The following SEMA5B variants were observed in gnomAD, a reference collection of about 807,000 sequenced individuals.
SEMA5B encodes the protein semaphorin-5B.
Under a neutral mutation model 135.0 loss-of-function variants are expected in SEMA5B, and 66 were observed. The ratio of observed to expected loss-of-function variants is 0.49; its 90% CI spans 0.40 to 0.60. The LOEUF (loss-of-function observed/expected upper bound fraction) is 0.60, where lower values mean the gene tolerates loss of function less well. Ranked by LOEUF, SEMA5B falls within the 20% of genes least tolerant of loss-of-function variation. The pLI is 0.00. For synonymous variants in SEMA5B, 690 were observed against 639.5 expected, an observed-to-expected ratio of 1.08 and a Z score of -1.19; for missense variants, 1,501 against 1,566.3, an observed-to-expected ratio of 0.96 and a Z score of 0.70.
intron 2 of SEMA5B, among the ~76,000 whole-genome samples, chr3:122,956,850 AC>A (rs986624919): frequency 3.9e-5 from 6 of 152,104 alleles, no homozygotes; most frequent in Non-Finnish European, 7.3e-5. Context: ...AAGGGAAAAA[AC>A]GTCCTGGGAA....
intron 1 of SEMA5B, among the ~76,000 whole-genome samples, chr3:122,991,877 C>T (rs1300096164): frequency 6.6e-6 from 1 of 152,096 alleles, no homozygotes; most frequent in East Asian, 1.9e-4. Flanking sequence ...CATACTATCA[C>T]AAAGGAGAGA....
At chr3:122,973,821 G>C (rs1442948102) in intron 1 of SEMA5B, among the ~76,000 whole-genome samples, 2 of 152,136 alleles carry the variant, frequency 1.3e-5, no homozygotes, top group Non-Finnish European at 2.9e-5. Context: ...GGGAAGGGCA[G>C]AGAGGGAGGA....
In SEMA5B at chr3:122,921,953, C is replaced by A; in HGVS notation, c.1650G>T (p.Arg550=). The change falls in exon 12 of 23, where the codon CGG becomes CGT. Residue 550 remains arginine (R), a synonymous_variant. Transcript: ENST00000357599. ...AGGCGGCGCACCTCTCCAGTGGGAC[C>A]CGCAGGACGCCGTCTCTCAGCCCCA... ...LFVGLRDGVL[R]VPLERCAAYR... is the part of the protein sequence containing the mutation. The A allele has an allele frequency of 1.3e-6, 2 of 1,535,768 alleles. No individual in the cohort carries two copies. The highest frequency in any genetic ancestry group is 1.7e-6 in the Non-Finnish European group (2 of 1,145,646).
intron 7 of SEMA5B, 78 bp from the exon 8 acceptor site, chr3:122,928,081 C>T: frequency 9.6e-7 from 1 of 1,044,710 alleles, no homozygotes; most frequent in Non-Finnish European, 1.3e-6. Context: ...AGTTTTGTTT[C>T]CTCCTGTGCC....
Position 122,910,314 on chromosome 3 carries a change from G to A in SEMA5B, c.3298-13C>T. On this transcript the variant is annotated splice_polypyrimidine_tract_variant and intron_variant, in intron 22 of 22. Transcript: ENST00000357599. Reference sequence around the variant, plus strand: ...TCTTGTTCAGGGTCTGTGGGTGGAAGAAGGAACCAGAGAAAGGGGTGAGGG... The same window carrying A: ...TCTTGTTCAGGGTCTGTGGGTGGAAAAAGGAACCAGAGAAAGGGGTGAGGG... 2 of 1,613,576 alleles carry A rather than the reference G, an allele frequency of 1.2e-6. No individual in the cohort carries two copies. Among genetic ancestry groups the A allele is most frequent in the Non-Finnish European group, 1.7e-6 (2 of 1,179,678 alleles).
chr3:122,913,931 G>C lies in SEMA5B; in HGVS notation c.2059C>G (p.Arg687Gly). The change falls in exon 15 of 23, where the codon CGC becomes GGC. Residue 687 changes from arginine to glycine, a missense_variant. Physicochemically the swap from Arg to Gly is moderately radical, Grantham distance 125 (BLOSUM62 -2). Coordinates refer to ENST00000357599, the MANE Select transcript of SEMA5B (RefSeq NM_001031702.4). ...STSCGIGFQV[R>G]QRSCSNPAPR... ...GCAGGGTTGCTGCAACTTCGCTGGC[G>C]GACCTGGAAGCCGATGCCACAGGAC... 2.5e-6 allele frequency: 4 copies of C among 1,612,532 alleles called. No homozygotes were observed. The highest frequency in any genetic ancestry group is 3.4e-6 in the Non-Finnish European group (4 of 1,179,924).
intron 1 of SEMA5B, among the ~76,000 whole-genome samples, chr3:122,985,625 G>A (rs1941673844): frequency 6.6e-6 from 1 of 152,178 alleles, no homozygotes; most frequent in South Asian, 2.1e-4. Flanking sequence ...AATGGCCACA[G>A]CATTTGATAG....
intron 1 of SEMA5B, among the ~76,000 whole-genome samples, chr3:122,980,408 C>T (rs372106055): frequency 6.7e-6 from 1 of 149,526 alleles, no homozygotes; most frequent in Admixed American, 6.7e-5. Context: ...TGTGGTGAGC[C>T]GAGATCGTGC....
At chr3:122,964,769 A>G (rs1177373562) in intron 1 of SEMA5B, among the ~76,000 whole-genome samples, 1 of 152,230 alleles carries the variant, frequency 6.6e-6, no homozygotes, top group Non-Finnish European at 1.5e-5. Flanking sequence ...AAGGCCCTCC[A>G]GAGAAAAAGA....
At chr3:122,926,741 G>A in intron 8 of SEMA5B, 64 bp from the exon 9 acceptor site, 1 of 1,568,040 alleles carries the variant, frequency 6.4e-7, no homozygotes, top group Non-Finnish European at 8.7e-7. Flanking sequence ...GGCAGAGTCG[G>A]GAGGACTCAA....
At chr3:123,002,175 A>G (rs1942193546) in intron 1 of SEMA5B, among the ~76,000 whole-genome samples, 1 of 152,208 alleles carries the variant, frequency 6.6e-6, no homozygotes, top group Non-Finnish European at 1.5e-5. Flanking sequence ...GCAAGGGAAG[A>G]GGAGTCTGGA....
At chr3:122,958,839 T>C (rs1428330511) in intron 2 of SEMA5B, among the ~76,000 whole-genome samples, 2 of 152,136 alleles carry the variant, frequency 1.3e-5, no homozygotes, top group African/African-American at 4.8e-5. Context: ...CTGCCTCTGC[T>C]TTCTGCAATC....
At chr3:123,022,253 G>T (rs1330579504) in intron 1 of SEMA5B, among the ~76,000 whole-genome samples, 3 of 152,182 alleles carry the variant, frequency 2.0e-5, no homozygotes. Flanking sequence ...GGACTGGCAG[G>T]ACAGATGGTC....
Position 122,948,484 on chromosome 3 carries a change from C to G in SEMA5B, c.328+22G>C, listed in dbSNP as rs199974832. 9.7e-5 allele frequency: 153 copies of G among 1,583,096 alleles called. No homozygotes were observed. In the African/African-American group the frequency reaches 1.6e-3, roughly 16 times the overall value. ...AGGACACGGCCATTGCAAGACAGGG[C>G]CAAGTAGGAAGCAACTCTTACCTTC... On this transcript the variant is annotated intron_variant, in intron 3 of 22. Transcript: ENST00000357599.
rs755973624 is a variant in SEMA5B, at chr3:122,910,136, G to A, written c.*7C>T. 28 of 1,613,400 alleles carry A rather than the reference G, an allele frequency of 1.7e-5. No individual in the cohort carries two copies. The highest frequency in any genetic ancestry group is 4.0e-5 in the African/African-American group (3 of 74,940). ...GGCAAGAAGCCCAAGTCCCCAGGAC[G>A]GCGGTATCAGCTGTTGGGGAAGCAC... On this transcript the variant is annotated 3_prime_UTR_variant, in exon 23 of 23. Transcript: ENST00000357599.
chr3:122,948,488 G>A lies in SEMA5B; in HGVS notation c.328+18C>T, dbSNP rs763198782. On this transcript the variant is annotated intron_variant, in intron 3 of 22. Coordinates refer to ENST00000357599, the MANE Select transcript of SEMA5B (RefSeq NM_001031702.4). ...CACGGCCATTGCAAGACAGGGCCAA[G>A]TAGGAAGCAACTCTTACCTTCAAAG... 1 of 1,586,746 alleles carries A rather than the reference G, an allele frequency of 6.3e-7. No individual in the cohort carries two copies. The highest frequency in any genetic ancestry group is 1.7e-5 in the Admixed American group (1 of 59,046).
chr3:122,923,902 G>A, intron 9 of SEMA5B, 150 bp from the exon 10 acceptor site: 1 of 871,748 alleles, frequency 1.1e-6, no homozygotes, highest in Non-Finnish European at 1.8e-6. Context: ...AAAGGGAGGA[G>A]ATGTGGTCCT....
chr3:122,996,832 T>G (rs1368213150), intron 1 of SEMA5B, among the ~76,000 whole-genome samples: 1 of 152,170 alleles, frequency 6.6e-6, no homozygotes, highest in African/African-American at 2.4e-5. Context: ...CCAGCCCCCA[T>G]GAGGAATGTT....
At position 122,980,519 on chromosome 3, in the gene SEMA5B, G is replaced by T. The variant is rs1941489386; in HGVS notation, c.-38-19218C>A. Among the ~76,000 whole-genome samples, 4 of 151,888 alleles carry T rather than the reference G, an allele frequency of 2.6e-5. No homozygotes were observed. In the South Asian group the frequency reaches 8.3e-4, roughly 32 times the overall value. ...CCCTGTTTCAGGGATGCTGGGGTGG[G>T]TGGTGGTGACTGATGGTCAGCTTCC... On this transcript the variant is annotated intron_variant, in intron 1 of 22. Transcript: ENST00000357599.
Sources: allele counts gnomAD v4.1 joint callset (sites outside exome capture counted in the v4.1 genomes callset), GRCh38; gene constraint gnomAD v4.1.1; transcripts MANE v1.5; gene names NCBI Gene and HGNC (gene_info 2026-07-23, HGNC 2026-07-21).